Variants in PTH2R observed in about 807,000 individuals in gnomAD.
PTH2R encodes parathyroid hormone 2 receptor.
A neutral mutation model predicts 60.3 loss-of-function variants in PTH2R; 59 were observed. The ratio of observed to expected loss-of-function variants is 0.98; its 90% CI spans 0.79 to 1.22. The LOEUF is 1.22. PTH2R is among the 50% of genes most tolerant of loss of function. The probability of loss-of-function intolerance (pLI) is 0.00; values close to 1 mark genes in which losing one functional copy is unlikely to be tolerated. For synonymous variants in PTH2R, 256 were observed against 243.8 expected (o/e 1.05, Z -0.47); for missense variants, 749 against 682.6 (o/e 1.10, Z -1.08).
At chr2:208,487,250 C>A (rs1368053721) in intron 10 of PTH2R, among the ~76,000 whole-genome samples, 1 of 152,150 alleles carries the variant, frequency 6.6e-6, no homozygotes, top group Non-Finnish European at 1.5e-5. Flanking sequence ...CACACTCACA[C>A]AGGTAGTTAA....
rs1395687607 is a variant in PTH2R, at chr2:208,407,125, GCCAGTGCT to G, written c.75+10_75+17del. 1.4e-6 allele frequency: 2 copies of G among 1,404,180 alleles called. No individual in the cohort carries two copies. Among genetic ancestry groups the G allele is most frequent in the African/African-American group, 3.0e-5 (2 of 66,904 alleles). 87.0% of individuals were successfully genotyped at this position (1,404,180 alleles called of 1,614,324 possible). ...CCTCCTGGCCAGAGCCCAGGTAAGA[GCCAGTGCT>G]CCGCGACACCTGTTTTCGCGGAGCC... On this transcript the variant is annotated splice_region_variant and intron_variant, in intron 1 of 12. Coordinates refer to ENST00000272847, the MANE Select transcript of PTH2R (RefSeq NM_005048.4).
chr2:208,416,315 A>G (rs1449895668), intron 1 of PTH2R, among the ~76,000 whole-genome samples: 1 of 152,222 alleles, frequency 6.6e-6, no homozygotes, highest in African/African-American at 2.4e-5. Context: ...ATGGTTATTT[A>G]TTGTATTATT....
intron 9 of PTH2R, among the ~76,000 whole-genome samples, chr2:208,477,934 C>G (rs1167333136): frequency 6.9e-6 from 1 of 144,710 alleles, no homozygotes; most frequent in African/African-American, 2.5e-5. Context: ...AGTACTAGCA[C>G]TACTACTAGT....
At chr2:208,485,631 C>T (rs1304959250) in intron 10 of PTH2R, among the ~76,000 whole-genome samples, 2 of 152,154 alleles carry the variant, frequency 1.3e-5, no homozygotes, top group African/African-American at 4.8e-5. Context: ...TAGTTACATT[C>T]CACTGGACAG....
intron 2 of PTH2R, among the ~76,000 whole-genome samples, chr2:208,436,124 G>A (rs1702070319): frequency 6.6e-6 from 1 of 152,162 alleles, no homozygotes; most frequent in African/African-American, 2.4e-5. Context: ...CTTAAATCCT[G>A]TGACTTAGGA....
At chr2:208,377,460 G>A (rs1191579964) in intron 1 of PTH2R, among the ~76,000 whole-genome samples, 22 of 148,476 alleles carry the variant, frequency 1.5e-4, no homozygotes, top group African/African-American at 4.9e-4. Flanking sequence ...GGGCAGAGGT[G>A]CCCCCCACCT....
At chr2:208,419,709 A>G (rs1701712805) in intron 1 of PTH2R, among the ~76,000 whole-genome samples, 1 of 152,176 alleles carries the variant, frequency 6.6e-6, no homozygotes, top group African/African-American at 2.4e-5. Flanking sequence ...TATAAGGTGT[A>G]AGGAAGGGAT....
At chr2:208,456,846 A>G (rs536012556) in intron 8 of PTH2R, among the ~76,000 whole-genome samples, 1 of 152,348 alleles carries the variant, frequency 6.6e-6, no homozygotes, top group South Asian at 2.1e-4. Flanking sequence ...AGCATTAATA[A>G]CATTTTCTTT....
At chr2:208,440,418 A>C (rs1221486705) in intron 4 of PTH2R, among the ~76,000 whole-genome samples, 1 of 152,200 alleles carries the variant, frequency 6.6e-6, no homozygotes, top group Non-Finnish European at 1.5e-5. Flanking sequence ...TATTTTATTA[A>C]GAGAAAATAA....
intron 9 of PTH2R, among the ~76,000 whole-genome samples, chr2:208,478,697 C>T (rs576228502): frequency 6.6e-6 from 1 of 152,294 alleles, no homozygotes; most frequent in African/African-American, 2.4e-5. Context: ...ATTTCTGTCT[C>T]CATCTCAGTC....
intron 1 of PTH2R, among the ~76,000 whole-genome samples, chr2:208,392,874 A>G (rs945232588): frequency 4.6e-5 from 7 of 152,104 alleles, no homozygotes; most frequent in Admixed American, 2.0e-4. Context: ...GGACCTGTCA[A>G]TCCTGCTGGA....
At chr2:208,440,674 T>C (rs1342434400) in intron 4 of PTH2R, among the ~76,000 whole-genome samples, 1 of 152,120 alleles carries the variant, frequency 6.6e-6, no homozygotes, top group East Asian at 1.9e-4. Flanking sequence ...AAACAGGCTA[T>C]TGAAGGGGAC....
intron 1 of PTH2R, among the ~76,000 whole-genome samples, chr2:208,380,182 T>C (rs1700885578): frequency 6.6e-6 from 1 of 152,164 alleles, no homozygotes; most frequent in Non-Finnish European, 1.5e-5. Context: ...TTATTCTTAG[T>C]GAGTTTCCAT....
At chr2:208,409,901 T>C (rs975431136) in intron 1 of PTH2R, among the ~76,000 whole-genome samples, 4 of 152,148 alleles carry the variant, frequency 2.6e-5, no homozygotes, top group Admixed American at 1.3e-4. Context: ...TAGGATGGAA[T>C]TGGGGTGCTA....
intron 1 of PTH2R, among the ~76,000 whole-genome samples, chr2:208,398,874 C>T (rs1701258303): frequency 6.6e-6 from 1 of 152,098 alleles, no homozygotes; most frequent in East Asian, 1.9e-4. Context: ...ATTCAAAGGA[C>T]CAGGCAAACA....
intron 1 of PTH2R, among the ~76,000 whole-genome samples, chr2:208,419,374 G>GT (rs1225356400): frequency 1.3e-5 from 2 of 152,106 alleles, no homozygotes; most frequent in Non-Finnish European, 2.9e-5. Flanking sequence ...GGGGTTGTTT[G>GT]TTTTTTTCTT....
chr2:208,427,765 A>G (rs919305070), intron 1 of PTH2R, among the ~76,000 whole-genome samples: 2 of 151,922 alleles, frequency 1.3e-5, no homozygotes, highest in Non-Finnish European at 2.9e-5. Flanking sequence ...GGAACCAACC[A>G]CTCTTGGTAC....
intron 2 of PTH2R, among the ~76,000 whole-genome samples, chr2:208,432,753 C>G (rs968942493): frequency 6.6e-6 from 1 of 152,064 alleles, no homozygotes; most frequent in Non-Finnish European, 1.5e-5. Context: ...GTCCAAAGGC[C>G]GAAGAACCTG....
In PTH2R at chr2:208,489,161, C is replaced by T; in HGVS notation, c.1215+11C>T. The T allele has an allele frequency of 6.2e-7, 1 of 1,613,638 alleles. No homozygotes were observed. On this transcript the variant is annotated intron_variant, in intron 11 of 12. Coordinates refer to ENST00000272847, the MANE Select transcript of PTH2R (RefSeq NM_005048.4). ...TTCAACTCCTTTCAGGTAAAGGGTG[C>T]TGCCTAGTCATCTGATTCTTGTAAT... is the stretch of plus-strand genomic sequence containing the variant.
Sources: gnomAD v4.1 joint callset for allele counts (sites outside exome capture counted in the v4.1 genomes callset) on GRCh38, gnomAD v4.1.1 for gene constraint, MANE v1.5 for transcripts, NCBI Gene and HGNC (gene_info 2026-07-23, HGNC 2026-07-21) for gene names.